OPCML: variants seen among roughly 807,000 people sequenced by gnomAD.
OPCML encodes the protein opioid binding protein/cell adhesion molecule like, also known as opioid-binding protein/cell adhesion molecule.
OPCML carries 13 observed loss-of-function variants against 37.8 expected under a neutral mutation model. The observed-to-expected ratio is 0.34, with a 90% CI of 0.22 to 0.55. OPCML has a LOEUF of 0.55. Among genes scored for constraint, OPCML ranks in the 20% least tolerant of loss-of-function variants. OPCML has a pLI of 0.91. For synonymous variants in OPCML, 176 were observed against 168.8 expected (o/e 1.04, Z -0.33); for missense variants, 341 against 435.6 (o/e 0.78, Z 1.93).
chr11:132,876,074 G>A lies in OPCML; in HGVS notation c.146+66852C>T, dbSNP rs560190061. On this transcript the variant is annotated intron_variant, in intron 2 of 7. Coordinates refer to ENST00000524381, the MANE Select transcript of OPCML (RefSeq NM_001012393.5). The stretch of plus-strand genomic sequence containing the variant: ...ATTTAAAAAGAAATGCAAACCACAA[G>A]TTTTGCAGGTCCTGGGAGGGCATTG... Among the ~76,000 whole-genome samples, 4 of 152,290 alleles carry A rather than the reference G, an allele frequency of 2.6e-5. No individual in the cohort carries two copies. In the East Asian group the frequency reaches 7.7e-4, roughly 29 times the overall value.
intron 2 of OPCML, among the ~76,000 whole-genome samples, chr11:132,898,266 G>A (rs756550650): frequency 3.3e-5 from 5 of 152,212 alleles, no homozygotes; most frequent in Non-Finnish European, 7.3e-5. Context: ...GGAAGAGGCA[G>A]CATTTTGTCC....
intron 4 of OPCML, among the ~76,000 whole-genome samples, chr11:132,479,878 C>T (rs950939370): frequency 6.6e-6 from 1 of 152,158 alleles, no homozygotes; most frequent in Admixed American, 6.5e-5. Context: ...TGTACATCAC[C>T]ATCATCAAAG....
chr11:133,504,626 G>A (rs760710459), intron 1 of OPCML, among the ~76,000 whole-genome samples: 34 of 152,174 alleles, frequency 2.2e-4, no homozygotes, highest in African/African-American at 5.3e-4. Flanking sequence ...GCTTTGTTGC[G>A]GCGATGTTTT....
At chr11:132,681,769 C>T (rs990729545) in intron 2 of OPCML, among the ~76,000 whole-genome samples, 10 of 152,020 alleles carry the variant, frequency 6.6e-5, no homozygotes, top group African/African-American at 2.4e-4. Context: ...TCCTGGCTAA[C>T]ACGGTGAAAC....
At chr11:133,182,816 G>T (rs1483049217) in intron 1 of OPCML, among the ~76,000 whole-genome samples, 2 of 152,136 alleles carry the variant, frequency 1.3e-5, no homozygotes, top group Admixed American at 6.5e-5. Context: ...GCGAAAGGAT[G>T]TGCATATATA....
chr11:133,139,098 C>T (rs1173650565), intron 1 of OPCML, among the ~76,000 whole-genome samples: 1 of 152,146 alleles, frequency 6.6e-6, no homozygotes, highest in Admixed American at 6.5e-5. Context: ...CAGGGTGCCT[C>T]CACGAGCCCA....
At chr11:132,705,283 T>C (rs1256892261) in intron 2 of OPCML, among the ~76,000 whole-genome samples, 2 of 151,836 alleles carry the variant, frequency 1.3e-5, no homozygotes, top group Non-Finnish European at 2.9e-5. Flanking sequence ...TTCTCGGGAG[T>C]TCTGGTCGTT....
At chr11:133,253,600 C>T (rs769038958) in intron 1 of OPCML, among the ~76,000 whole-genome samples, 16 of 152,166 alleles carry the variant, frequency 1.1e-4, no homozygotes, top group Non-Finnish European at 1.3e-4. Context: ...TGAGCCAACA[C>T]GCCTGGCTTG....
intron 2 of OPCML, among the ~76,000 whole-genome samples, chr11:132,701,374 G>T (rs2135922764): frequency 6.6e-6 from 1 of 152,270 alleles, no homozygotes; most frequent in South Asian, 2.1e-4. Context: ...TCAGTGTAGA[G>T]GCACAGCCAA....
intron 1 of OPCML, among the ~76,000 whole-genome samples, chr11:133,514,831 T>C (rs537102892): frequency 6.6e-6 from 1 of 152,316 alleles, no homozygotes; most frequent in African/African-American, 2.4e-5. Flanking sequence ...GACTAAAATA[T>C]TGAAGTCTAC....
At chr11:133,346,635 T>C (rs1944008826) in intron 1 of OPCML, among the ~76,000 whole-genome samples, 1 of 152,196 alleles carries the variant, frequency 6.6e-6, no homozygotes, top group Admixed American at 6.5e-5. Context: ...ACTTGAAGCA[T>C]ATCCATTTTC....
intron 2 of OPCML, among the ~76,000 whole-genome samples, chr11:132,831,157 C>A (rs113040864): frequency 0.013 from 1,932 of 151,974 alleles, 35 homozygotes; most frequent in African/African-American, 0.044. Context: ...CAAATCACAG[C>A]AATTACACTT....
intron 2 of OPCML, among the ~76,000 whole-genome samples, chr11:132,709,533 T>C (rs1336514249): frequency 3.3e-5 from 5 of 152,210 alleles, no homozygotes; most frequent in Non-Finnish European, 7.3e-5. Flanking sequence ...CTCCAATCTG[T>C]AGTAGTGTCT....
chr11:132,943,192 A>C lies in OPCML; in HGVS notation c.62-182T>G. On this transcript the variant is annotated intron_variant, in intron 1 of 7. Coordinates refer to ENST00000524381, the MANE Select transcript of OPCML (RefSeq NM_001012393.5). The surrounding 1 kb of genome is among the most constrained non-coding windows in gnomAD (Gnocchi z 4.3). Reference sequence around the variant, plus strand: ...CGGGAAGCGGTGCGGGGAGGAGGGAAGGGGCAGAGTTCGCCAGGAGCAGGG... The same window carrying C: ...CGGGAAGCGGTGCGGGGAGGAGGGACGGGGCAGAGTTCGCCAGGAGCAGGG... The C allele has an allele frequency of 6.4e-7, 1 of 1,566,840 alleles. No homozygotes were observed. Among genetic ancestry groups the C allele is most frequent in the Non-Finnish European group, 8.7e-7 (1 of 1,148,964 alleles).
chr11:133,155,121 G>A (rs990871370), intron 1 of OPCML, among the ~76,000 whole-genome samples: 1 of 152,132 alleles, frequency 6.6e-6, no homozygotes, highest in Non-Finnish European at 1.5e-5. Context: ...TGGAGGAGGA[G>A]GAGGAAATAC....
intron 4 of OPCML, among the ~76,000 whole-genome samples, chr11:132,488,563 G>T (rs199743448): frequency 1.7e-4 from 26 of 152,340 alleles, no homozygotes; most frequent in South Asian, 1.7e-3. Context: ...AGGGCTGGAA[G>T]TTCCTCTGGG....
chr11:132,742,157 A>G (rs1341896781), intron 2 of OPCML, among the ~76,000 whole-genome samples: 1 of 152,240 alleles, frequency 6.6e-6, no homozygotes, highest in Non-Finnish European at 1.5e-5. Flanking sequence ...ACGTAACCGC[A>G]GTCGTATCCA....
chr11:133,422,023 T>A (rs1483557024), intron 1 of OPCML: 2 of 486,778 alleles, frequency 4.1e-6, no homozygotes, highest in African/African-American at 4.2e-5. Flanking sequence ...AATGTGCATT[T>A]TTGTTACATA....
intron 4 of OPCML, among the ~76,000 whole-genome samples, chr11:132,513,546 C>T (rs574851937): frequency 3.9e-5 from 6 of 152,136 alleles, no homozygotes; most frequent in Non-Finnish European, 8.8e-5. Flanking sequence ...ATACTTTATG[C>T]TTCAATAAGA....
Sources: allele counts gnomAD v4.1 joint callset (sites outside exome capture counted in the v4.1 genomes callset), GRCh38; gene constraint gnomAD v4.1.1; non-coding constraint Gnocchi (gnomAD v3.1); transcripts MANE v1.5; gene names NCBI Gene and HGNC (gene_info 2026-07-23, HGNC 2026-07-21).